Variants in MIB1 observed in about 807,000 individuals in gnomAD.
The protein encoded by MIB1 is E3 ubiquitin-protein ligase MIB1.
MIB1 carries 278 observed loss-of-function variants against 124.5 expected under a neutral mutation model. The ratio of observed to expected loss-of-function variants is 2.23; its 90% CI spans 2.02 to 2.47. The LOEUF (loss-of-function observed/expected upper bound fraction) is 2.47. MIB1 is among the 30% of genes most tolerant of loss of function. MIB1 has a pLI of 0.00. For synonymous variants in MIB1, 446 were observed against 429.4 expected, an observed-to-expected ratio of 1.04 and a Z score of -0.48; for missense variants, 957 against 1,254.4, an observed-to-expected ratio of 0.76 and a Z score of 3.58.
chr18:21,765,967 C>T (rs751128298), intron 2 of MIB1, 24 bp downstream of exon 2: 4 of 1,610,096 alleles, frequency 2.5e-6, no homozygotes, highest in Non-Finnish European at 3.4e-6. Context: ...TTTTCTTCTT[C>T]AACCGAGGGT....
chr18:21,801,458 T>C (rs1191924541), intron 9 of MIB1, among the ~76,000 whole-genome samples: 1 of 152,158 alleles, frequency 6.6e-6, no homozygotes, highest in African/African-American at 2.4e-5. Flanking sequence ...CCTAACTTTT[T>C]GTTTTAATTG....
chr18:21,719,133 A>G (rs1256369685), intron 1 of MIB1, among the ~76,000 whole-genome samples: 1 of 151,562 alleles, frequency 6.6e-6, no homozygotes, highest in Non-Finnish European at 1.5e-5. Context: ...GGTTGCAGTG[A>G]GCCAAGATCA....
intron 1 of MIB1, among the ~76,000 whole-genome samples, chr18:21,710,234 T>G (rs1381770241): frequency 6.6e-6 from 1 of 152,040 alleles, no homozygotes; most frequent in Admixed American, 6.6e-5. Context: ...TAACTGGGAT[T>G]ACAGGCATGC....
chr18:21,720,070 A>C (rs958765607), intron 1 of MIB1, among the ~76,000 whole-genome samples: 1 of 152,212 alleles, frequency 6.6e-6, no homozygotes, highest in African/African-American at 2.4e-5. Flanking sequence ...AGTCCAAATA[A>C]TACTAAATAA....
At chr18:21,735,722 A>G (rs1399748527) in intron 1 of MIB1, among the ~76,000 whole-genome samples, 2 of 152,186 alleles carry the variant, frequency 1.3e-5, no homozygotes, top group Non-Finnish European at 2.9e-5. Flanking sequence ...AGGCTTGCGT[A>G]GGCAGTTTTA....
intron 1 of MIB1, among the ~76,000 whole-genome samples, chr18:21,756,419 T>C (rs1032024371): frequency 6.6e-6 from 1 of 152,200 alleles, no homozygotes; most frequent in African/African-American, 2.4e-5. Context: ...AATCAAATTA[T>C]GAGTTTTTAC....
chr18:21,708,440 G>A (rs939282116), intron 1 of MIB1, among the ~76,000 whole-genome samples: 5 of 152,076 alleles, frequency 3.3e-5, no homozygotes, highest in African/African-American at 1.2e-4. Flanking sequence ...AGTCACTTGA[G>A]GTCAGGAGTT....
chr18:21,868,646 T>C lies in MIB1; in HGVS notation c.*3980T>C, dbSNP rs1374376938. 6.6e-6 allele frequency: 1 copy of C among 152,426 alleles called. No individual in the cohort carries two copies. Among genetic ancestry groups the C allele is most frequent in the Non-Finnish European group, 1.5e-5 (1 of 67,878 alleles). 9.4% of individuals were successfully genotyped at this position (152,426 alleles called of 1,614,324 possible). On this transcript the variant is annotated 3_prime_UTR_variant, in exon 21 of 21. Transcript: ENST00000261537. Reference sequence around the variant, plus strand: ...CTGCTTGTAAAAGTTTCAAAATATGTTTTCCCTCAAAAAGGCAACGTTACT... The same window carrying C: ...CTGCTTGTAAAAGTTTCAAAATATGCTTTCCCTCAAAAAGGCAACGTTACT...
At chr18:21,778,831 CATTTTTTAATGAGCTCATCTATCTT>C (rs2146425046) in intron 5 of MIB1, among the ~76,000 whole-genome samples, 1 of 152,018 alleles carries the variant, frequency 6.6e-6, no homozygotes, top group African/African-American at 2.4e-5. Context: ...AAAAAATTTA[CATTTTTTAATGAGCTCATCTATCTT>C]GCTTTCACAA....
chr18:21,845,189 G>C (rs923112283), intron 15 of MIB1, among the ~76,000 whole-genome samples: 2 of 151,602 alleles, frequency 1.3e-5, no homozygotes, highest in African/African-American at 4.8e-5. Context: ...TTTTTGTATT[G>C]TTTTTAGTGG....
intron 12 of MIB1, among the ~76,000 whole-genome samples, chr18:21,837,747 T>C (rs538830888): frequency 2.6e-5 from 4 of 152,346 alleles, no homozygotes; most frequent in African/African-American, 9.6e-5. Context: ...CCATTTTGTG[T>C]GTTTTGCTCC....
At chr18:21,760,995 T>C (rs2041091343) in intron 1 of MIB1, among the ~76,000 whole-genome samples, 1 of 152,208 alleles carries the variant, frequency 6.6e-6, no homozygotes. Flanking sequence ...TGGTATTTGA[T>C]ATTAATTGTG....
Position 21,799,849 on chromosome 18 carries a change from T to G in MIB1, c.1246T>G (p.Ser416Ala), listed in dbSNP as rs773972988. The change falls in exon 9 of 21, where the codon TCA (serine) becomes GCA (alanine). Residue 416 changes from serine to alanine, a missense_variant. Physicochemically the swap from Ser to Ala is moderately conservative, Grantham distance 99. Transcript: ENST00000261537. ...AISNASGERLSQLLKKLFETQ... is the reference protein window; with the variant it reads ...AISNASGERLAQLLKKLFETQ... ...TATTTGATGCTTTACAGAAAGACTC[T>G]CACAACTCCTGAAGAAATTATTTGA... 18 of 1,609,694 alleles carry G rather than the reference T, an allele frequency of 1.1e-5. No homozygotes were observed. Among genetic ancestry groups the G allele is most frequent in the Non-Finnish European group, 1.4e-5 (16 of 1,177,312 alleles).
At chr18:21,749,067 G>A (rs1463644876) in intron 1 of MIB1, among the ~76,000 whole-genome samples, 1 of 151,806 alleles carries the variant, frequency 6.6e-6, no homozygotes, top group Non-Finnish European at 1.5e-5. Flanking sequence ...TGTCTTTTTT[G>A]CACAGCTAAG....
At chr18:21,858,510 A>G (rs549343335) in intron 19 of MIB1, 36 bp from the exon 20 acceptor site, 3 of 925,026 alleles carry the variant, frequency 3.2e-6, no homozygotes, top group African/African-American at 1.6e-5. Flanking sequence ...TGTCAAAGCA[A>G]TAATAACTGA....
intron 17 of MIB1, among the ~76,000 whole-genome samples, chr18:21,850,622 C>T (rs1002136442): frequency 1.6e-4 from 24 of 152,240 alleles, no homozygotes; most frequent in African/African-American, 5.5e-4. Context: ...GATAGGAATA[C>T]TGGAGTGCTT....
At chr18:21,852,185 T>C (rs1371832001) in intron 17 of MIB1, among the ~76,000 whole-genome samples, 1 of 152,238 alleles carries the variant, frequency 6.6e-6, no homozygotes, top group African/African-American at 2.4e-5. Context: ...AGATTTTGAA[T>C]CCAGGAATGT....
chr18:21,797,153 T>A (rs1159496714), intron 7 of MIB1, among the ~76,000 whole-genome samples: 1 of 152,156 alleles, frequency 6.6e-6, no homozygotes, highest in Non-Finnish European at 1.5e-5. Context: ...CATTGTAGAA[T>A]ATGTTATCAA....
upstream of MIB1, among the ~76,000 whole-genome samples, chr18:21,736,243 G>C (rs1044624568): frequency 8.5e-5 from 13 of 152,356 alleles, no homozygotes; most frequent in African/African-American, 2.9e-4. Flanking sequence ...ACAGGGTATG[G>C]AGTGGACCTC....
Sources: gnomAD v4.1 joint callset for allele counts (sites outside exome capture counted in the v4.1 genomes callset) on GRCh38, gnomAD v4.1.1 for gene constraint, MANE v1.5 for transcripts, NCBI Gene and HGNC (gene_info 2026-07-23, HGNC 2026-07-21) for gene names.